Variants in GPR75 observed in about 807,000 individuals in gnomAD.
GPR75 encodes probable G protein-coupled receptor 75.
Under a neutral mutation model 26.0 loss-of-function variants are expected in GPR75, and 27 were observed. That is an observed-to-expected ratio of 1.04 (90% CI 0.77 to 1.43). The LOEUF (loss-of-function observed/expected upper bound fraction) is 1.43. Ranked by LOEUF, GPR75 falls within the 40% of genes most tolerant of loss-of-function variation. GPR75 has a pLI of 0.00. For missense variants in GPR75, 699 were observed against 662.3 expected, an observed-to-expected ratio of 1.06 and a Z score of -0.61; for synonymous variants, 285 against 256.3, an observed-to-expected ratio of 1.11 and a Z score of -1.07.
At chr2:53,858,203 T>C (rs916247260) in intron 1 of GPR75, among the ~76,000 whole-genome samples, 3 of 152,140 alleles carry the variant, frequency 2.0e-5, no homozygotes, top group Non-Finnish European at 2.9e-5. Context: ...TTGGGAGGCA[T>C]CCCCAGGTCA....
chr2:53,855,268 GT>G (rs1325232410), intron 1 of GPR75, among the ~76,000 whole-genome samples: 1 of 151,998 alleles, frequency 6.6e-6, no homozygotes, highest in Non-Finnish European at 1.5e-5. Flanking sequence ...TGACACAGAG[GT>G]TTTCAAACAA....
At chr2:53,855,496 A>T (rs1238285516) in intron 1 of GPR75, among the ~76,000 whole-genome samples, 1 of 152,188 alleles carries the variant, frequency 6.6e-6, no homozygotes, top group Non-Finnish European at 1.5e-5. Flanking sequence ...TAATAATTAC[A>T]GCCTAATAAG....
Position 53,854,825 on chromosome 2 carries a change from G to A in GPR75, c.-69C>T, listed in dbSNP as rs1293137929. On this transcript the variant is annotated 5_prime_UTR_variant, in exon 2 of 2. Coordinates refer to ENST00000394705, the MANE Select transcript of GPR75 (RefSeq NM_006794.4). Reference sequence around the variant, plus strand: ...CAGTGAGTCAGGGCCTCAGCTCACAGATGAGCAATATGTGACAAAAGAGGC... The same window carrying A: ...CAGTGAGTCAGGGCCTCAGCTCACAAATGAGCAATATGTGACAAAAGAGGC... 8.1e-7 allele frequency: 1 copy of A among 1,240,368 alleles called. No individual in the cohort carries two copies. Among genetic ancestry groups the A allele is most frequent in the Non-Finnish European group, 1.1e-6 (1 of 871,034 alleles). The allele number at this position is 1,240,368 out of a possible 1,614,324, so 76.8% of individuals were successfully genotyped here.
intron 1 of GPR75, among the ~76,000 whole-genome samples, chr2:53,857,640 G>A (rs1011098727): frequency 4.6e-5 from 7 of 152,178 alleles, no homozygotes; most frequent in Non-Finnish European, 1.0e-4. Flanking sequence ...ACTAACATTA[G>A]TCAAGAATAG....
intron 1 of GPR75, among the ~76,000 whole-genome samples, chr2:53,859,402 A>C (rs1223755990): frequency 2.0e-5 from 3 of 152,064 alleles, no homozygotes; most frequent in Non-Finnish European, 4.4e-5. Context: ...GATGGGAGGG[A>C]TGAAGAGGCC....
intron 1 of GPR75, among the ~76,000 whole-genome samples, chr2:53,858,429 AC>A: frequency 6.6e-6 from 1 of 151,696 alleles, no homozygotes; most frequent in Non-Finnish European, 1.5e-5. Flanking sequence ...ACACACACAC[AC>A]ACACACACAC....
At chr2:53,856,385 T>G (rs537867468) in intron 1 of GPR75, among the ~76,000 whole-genome samples, 1 of 152,312 alleles carries the variant, frequency 6.6e-6, no homozygotes, top group Admixed American at 6.5e-5. Context: ...TGCCTTAATC[T>G]AGAATTTTAG....
At chr2:53,858,187 A>G (rs1678281023) in intron 1 of GPR75, among the ~76,000 whole-genome samples, 1 of 152,132 alleles carries the variant, frequency 6.6e-6, no homozygotes, top group South Asian at 2.1e-4. Context: ...CAACAAAAAA[A>G]CCTTTTTGGG....
chr2:53,853,429 T>C lies in GPR75; in HGVS notation c.1328A>G (p.Asp443Gly), dbSNP rs1185254866. ...LSPKPQKKFV[D>G]QACGPSHSKE... ...TGAATGACTTGGGCCACAAGCCTGG[T>C]CCACAAATTTCTTCTGTGGCTTTGG... Residue 443 changes from aspartate to glycine, a missense_variant, in exon 2 of 2, where the codon GAC (aspartate) becomes GGC (glycine). Asp to Gly is a moderately conservative substitution (Grantham distance 94, BLOSUM62 -1). Coordinates refer to ENST00000394705, the MANE Select transcript of GPR75 (RefSeq NM_006794.4). 5 of 1,614,148 alleles carry C rather than the reference T, an allele frequency of 3.1e-6. No homozygotes were observed. The highest frequency in any genetic ancestry group is 4.2e-6 in the Non-Finnish European group (5 of 1,179,992).
At chr2:53,858,059 C>T (rs1441395581) in intron 1 of GPR75, among the ~76,000 whole-genome samples, 1 of 152,152 alleles carries the variant, frequency 6.6e-6, no homozygotes, top group Non-Finnish European at 1.5e-5. Context: ...CTTGATATAA[C>T]ATCTCCATTT....
chr2:53,853,611 C>T lies in GPR75; in HGVS notation c.1146G>A (p.Gly382=), dbSNP rs770822499. The T allele has an allele frequency of 1.2e-6, 2 of 1,613,918 alleles. No homozygotes were observed. The highest frequency in any genetic ancestry group is 1.7e-6 in the Non-Finnish European group (2 of 1,179,814). The change falls in exon 2 of 2, where the codon GGG becomes GGA. Residue 382 remains glycine (G), a synonymous_variant. Transcript: ENST00000394705. ...NPFIYSRNSA[G]LRRKVLWCLQ... is the part of the protein sequence containing the mutation. ...GGCACCAGAGCACTTTCCTTCTCAG[C>T]CCTGCACTGTTCCGAGAATATATAA...
Position 53,853,338 on chromosome 2 carries a change from G to A in GPR75, c.1419C>T (p.Thr473=), listed in dbSNP as rs1483207424. The A allele has an allele frequency of 1.2e-6, 2 of 1,614,064 alleles. No homozygotes were observed. The highest frequency in any genetic ancestry group is 2.2e-5 in the East Asian group (1 of 44,880). ...GHQHCGQSSS[T]PINTRIEPYY... ...AAGGTTCAATCCGAGTGTTGATGGG[G>A]GTCGAGCTGCTCTGACCACAGTGTT... The change falls in exon 2 of 2, where the codon ACC becomes ACT. Residue 473 remains threonine (T), a synonymous_variant. Coordinates refer to ENST00000394705, the MANE Select transcript of GPR75 (RefSeq NM_006794.4).
intron 1 of GPR75, among the ~76,000 whole-genome samples, chr2:53,856,966 T>C (rs867000396): frequency 9.8e-4 from 125 of 127,674 alleles, no homozygotes; most frequent in East Asian, 5.9e-3. Context: ...TTTTTTTTTT[T>C]TTTTTTTTGA....
At position 53,859,925 on chromosome 2, in the gene GPR75, C is replaced by G. The variant is rs1284414973; in HGVS notation, c.-207G>C. 8.6e-6 allele frequency: 13 copies of G among 1,504,150 alleles called. No homozygotes were observed. Among genetic ancestry groups the G allele is most frequent in the Non-Finnish European group, 1.1e-5 (13 of 1,131,680 alleles). The allele number at this position is 1,504,150 out of a possible 1,614,324, so 93.2% of individuals were successfully genotyped here. The stretch of plus-strand genomic sequence containing the variant: ...TGATGCAGGACTAGAGGCATCATCG[C>G]CATCGCCACCGCCTCCGCGCATCCC... On this transcript the variant is annotated 5_prime_UTR_variant, in exon 1 of 2. Transcript: ENST00000394705.
chr2:53,858,043 G>A, intron 1 of GPR75, among the ~76,000 whole-genome samples: 1 of 152,086 alleles, frequency 6.6e-6, no homozygotes, highest in East Asian at 1.9e-4. Context: ...TAACAACCCT[G>A]AAATACTTGA....
In GPR75 at chr2:53,859,860, A is replaced by T. The variant is rs971336440; in HGVS notation, c.-142T>A. 5.9e-6 allele frequency: 9 copies of T among 1,532,394 alleles called. No homozygotes were observed. The highest frequency in any genetic ancestry group is 7.9e-6 in the Non-Finnish European group (9 of 1,144,244). 94.9% of individuals were successfully genotyped at this position (1,532,394 alleles called of 1,614,324 possible). Reference sequence around the variant, plus strand: ...GTGGCCGCAGCGCCGCCCCTCCTCCATCTCGCAGTCCGGACCCCAGCTCCG... The same window carrying T: ...GTGGCCGCAGCGCCGCCCCTCCTCCTTCTCGCAGTCCGGACCCCAGCTCCG... On this transcript the variant is annotated 5_prime_UTR_variant, in exon 1 of 2. The change abolishes an upstream ATG in the 5' untranslated region. Coordinates refer to ENST00000394705, the MANE Select transcript of GPR75 (RefSeq NM_006794.4).
At chr2:53,859,733 C>T in intron 1 of GPR75, 95 bp downstream of exon 1, 1 of 918,846 alleles carries the variant, frequency 1.1e-6, no homozygotes. Flanking sequence ...CGGGCCTGGC[C>T]CAGCGCAGCC....
chr2:53,852,938 C>T lies in GPR75; in HGVS notation c.*196G>A, dbSNP rs1053061095. On this transcript the variant is annotated 3_prime_UTR_variant, in exon 2 of 2. Coordinates refer to ENST00000394705, the MANE Select transcript of GPR75 (RefSeq NM_006794.4). ...CAGGGTAAAAAATCTAAAACTTTCA[C>T]ATCAAATCTTAAGATGTCAACAAAC... The T allele has an allele frequency of 1.8e-6, 1 of 541,692 alleles. No individual in the cohort carries two copies. Among genetic ancestry groups the T allele is most frequent in the South Asian group, 3.0e-5 (1 of 33,494 alleles). The allele number at this position is 541,692 out of a possible 1,614,324, so 33.6% of individuals were successfully genotyped here. A position where few individuals can be genotyped will look rare whatever the true frequency, so the allele number is the denominator to read the frequency against.
At position 53,859,871 on chromosome 2, in the gene GPR75, C is replaced by A. The variant is rs1218187502; in HGVS notation, c.-153G>T. 1 of 1,532,414 alleles carries A rather than the reference C, an allele frequency of 6.5e-7. No homozygotes were observed. Among genetic ancestry groups the A allele is most frequent in the Non-Finnish European group, 8.7e-7 (1 of 1,144,238 alleles). The allele number at this position is 1,532,414 out of a possible 1,614,324, so 94.9% of individuals were successfully genotyped here. ...GCCGCCCCTCCTCCATCTCGCAGTC[C>A]GGACCCCAGCTCCGCCTGCCGCTCT... On this transcript the variant is annotated 5_prime_UTR_variant, in exon 1 of 2. An upstream open reading frame in the 5' UTR gains an earlier in-frame stop. Transcript: ENST00000394705.
Sources: allele counts gnomAD v4.1 joint callset (sites outside exome capture counted in the v4.1 genomes callset), GRCh38; gene constraint gnomAD v4.1.1; transcripts MANE v1.5; gene names NCBI Gene and HGNC (gene_info 2026-07-23, HGNC 2026-07-21).